The following FSTL5 variants were observed in gnomAD, a reference collection of about 807,000 sequenced individuals.
FSTL5 encodes follistatin-related protein 5.
A neutral mutation model predicts 89.1 loss-of-function variants in FSTL5; 62 were observed. That is an observed-to-expected ratio of 0.70 (90% CI 0.57 to 0.86). FSTL5 has a LOEUF of 0.86. Ranked by LOEUF, FSTL5 falls within the 40% of genes least tolerant of loss-of-function variation. The pLI is 0.00. For missense variants in FSTL5, 1,057 were observed against 1,001.6 expected (o/e 1.06, Z -0.75); for synonymous variants, 383 against 346.2 (o/e 1.11, Z -1.18).
At chr4:162,143,749 C>CACACACA (rs1561043231) in intron 1 of FSTL5, among the ~76,000 whole-genome samples, 1 of 62,884 alleles carries the variant, frequency 1.6e-5, no homozygotes. Context: ...CACACACACA[C>CACACACA]CCAGGAAAAA....
chr4:162,085,288 T>C (rs1260915185), intron 2 of FSTL5, among the ~76,000 whole-genome samples: 2 of 152,092 alleles, frequency 1.3e-5, no homozygotes, highest in African/African-American at 2.4e-5. Flanking sequence ...TACTGTTGTA[T>C]ACTTATAAAA....
At chr4:162,108,145 C>T (rs145666311) in intron 2 of FSTL5, among the ~76,000 whole-genome samples, 5,643 of 152,072 alleles carry the variant, frequency 0.037, 172 homozygotes, top group Non-Finnish European at 0.05. Context: ...AACATATGAT[C>T]GGTTTCCTCT....
chr4:161,429,813 T>C (rs1241108762), intron 15 of FSTL5, among the ~76,000 whole-genome samples: 2 of 152,168 alleles, frequency 1.3e-5, no homozygotes, highest in Non-Finnish European at 2.9e-5. Flanking sequence ...GCCCAGATGC[T>C]GCATTGAATG....
chr4:161,520,433 A>T (rs1289209241), intron 10 of FSTL5, among the ~76,000 whole-genome samples: 1 of 151,932 alleles, frequency 6.6e-6, no homozygotes, highest in Non-Finnish European at 1.5e-5. Flanking sequence ...TATTATCAGG[A>T]TAAAAATTGC....
chr4:161,562,128 C>T (rs1392778581), intron 8 of FSTL5, among the ~76,000 whole-genome samples: 1 of 151,992 alleles, frequency 6.6e-6, no homozygotes, highest in Non-Finnish European at 1.5e-5. Flanking sequence ...ATTTTTCTTG[C>T]TCTTCCCCAC....
At chr4:161,547,064 A>G (rs563532679) in intron 8 of FSTL5, among the ~76,000 whole-genome samples, 73 of 152,166 alleles carry the variant, frequency 4.8e-4, no homozygotes, top group Middle Eastern at 3.4e-3. Flanking sequence ...GTGTCATAAG[A>G]TACTCAATCA....
chr4:161,480,247 G>A (rs949333931), intron 13 of FSTL5, among the ~76,000 whole-genome samples: 8 of 152,112 alleles, frequency 5.3e-5, no homozygotes, highest in East Asian at 1.9e-4. Flanking sequence ...AAATAACTTC[G>A]TAAGATACAT....
At chr4:162,132,160 CAG>C (rs139697401) in intron 1 of FSTL5, among the ~76,000 whole-genome samples, 5 of 152,232 alleles carry the variant, frequency 3.3e-5, no homozygotes, top group Non-Finnish European at 5.9e-5. Flanking sequence ...AAGAAATAAA[CAG>C]TGTGATTTCA....
At chr4:161,955,129 T>C (rs1000329435) in intron 3 of FSTL5, among the ~76,000 whole-genome samples, 132 of 151,786 alleles carry the variant, frequency 8.7e-4, no homozygotes, top group African/African-American at 3.1e-3. Flanking sequence ...AGAAAAATTA[T>C]GAAATGTATA....
chr4:161,850,718 T>C (rs1045414362), intron 4 of FSTL5, among the ~76,000 whole-genome samples: 1 of 152,022 alleles, frequency 6.6e-6, no homozygotes, highest in Admixed American at 6.6e-5. Context: ...GATTAAGTTA[T>C]AAAAGAAAAA....
chr4:162,036,565 A>G (rs1191128903), intron 2 of FSTL5, among the ~76,000 whole-genome samples: 1 of 152,108 alleles, frequency 6.6e-6, no homozygotes, highest in Non-Finnish European at 1.5e-5. Flanking sequence ...AAATTAGAAC[A>G]TAGAGTAGAA....
intron 10 of FSTL5, among the ~76,000 whole-genome samples, chr4:161,521,865 G>A (rs56229232): frequency 0.91 from 109,530 of 120,352 alleles, 49,789 homozygotes; most frequent in East Asian, 0.96. Context: ...AAAAAAAAAA[G>A]AAAAAAAAAG....
intron 8 of FSTL5, among the ~76,000 whole-genome samples, chr4:161,585,433 G>A (rs1370398494): frequency 6.6e-6 from 1 of 152,042 alleles, no homozygotes; most frequent in Non-Finnish European, 1.5e-5. Flanking sequence ...TCTTTTATGT[G>A]ATTCTGATGC....
At chr4:162,093,990 G>A (rs1482810790) in intron 2 of FSTL5, among the ~76,000 whole-genome samples, 1 of 151,926 alleles carries the variant, frequency 6.6e-6, no homozygotes, top group Non-Finnish European at 1.5e-5. Context: ...ATCGTTTCTA[G>A]GTAGACAAAA....
chr4:161,850,132 G>T (rs1731502933), intron 4 of FSTL5, among the ~76,000 whole-genome samples: 1 of 152,088 alleles, frequency 6.6e-6, no homozygotes, highest in Admixed American at 6.6e-5. Flanking sequence ...TCATTATTTT[G>T]AAGCATGTAA....
intron 4 of FSTL5, among the ~76,000 whole-genome samples, chr4:161,876,743 T>TA (rs1732454869): frequency 1.3e-5 from 2 of 151,618 alleles, no homozygotes; most frequent in South Asian, 4.2e-4. Flanking sequence ...CTGTCTCTTT[T>TA]AAAAAAAGAG....
chr4:161,784,917 A>C (rs140108075), intron 4 of FSTL5, among the ~76,000 whole-genome samples: 4,289 of 141,228 alleles, frequency 0.03, 176 homozygotes, highest in African/African-American at 0.043. Flanking sequence ...CAAACAAACA[A>C]AAAAAAGAAG....
intron 2 of FSTL5, among the ~76,000 whole-genome samples, chr4:162,036,124 T>C (rs74350974): frequency 0.093 from 14,219 of 152,152 alleles, 784 homozygotes; most frequent in Non-Finnish European, 0.12. Context: ...GTCTAATCTC[T>C]TAGCCTTAAG....
At chr4:162,016,055 T>G (rs1429461206) in intron 3 of FSTL5, among the ~76,000 whole-genome samples, 1 of 152,172 alleles carries the variant, frequency 6.6e-6, no homozygotes, top group African/African-American at 2.4e-5. Context: ...CCTGCCATAA[T>G]TAACCTCTTG....
Sources: gnomAD v4.1 joint callset for allele counts (sites outside exome capture counted in the v4.1 genomes callset) on GRCh38, gnomAD v4.1.1 for gene constraint, MANE v1.5 for transcripts, NCBI Gene and HGNC (gene_info 2026-07-23, HGNC 2026-07-21) for gene names.